Variants in MYO15B observed in about 807,000 individuals in gnomAD.
MYO15B encodes the protein myosin XVB, also known as myosin XVB pseudogene.
In MYO15B, 207 loss-of-function variants were observed where a neutral mutation model predicts 119.3. The ratio of observed to expected loss-of-function variants is 1.73; its 90% CI spans 1.55 to 1.95. The LOEUF (loss-of-function observed/expected upper bound fraction) is 1.95. Among genes scored for constraint, MYO15B ranks in the 30% most tolerant of loss-of-function variants. The pLI is 0.00. For missense variants in MYO15B, 2,264 were observed against 1,203.1 expected (o/e 1.88, Z -13.04); for synonymous variants, 966 against 498.9 (o/e 1.94, Z -12.48).
intron 51 of MYO15B, 31 bp from the exon 52 acceptor site, chr17:75,621,470 C>A (rs1294578936): frequency 2.9e-6 from 2 of 700,650 alleles, no homozygotes; most frequent in Non-Finnish European, 5.2e-6. Context: ...CACGGCCCCC[C>A]AGACCCATGG....
intron 49 of MYO15B, 103 bp from the exon 50 acceptor site, chr17:75,620,928 T>TCTTG: frequency 1.4e-6 from 1 of 702,366 alleles, no homozygotes; most frequent in Non-Finnish European, 2.6e-6. Context: ...TGGCTTCTGG[T>TCTTG]CTTGCTCCTT....
In MYO15B at chr17:75,595,603, C is replaced by T. The variant is rs188926027; in HGVS notation, c.3297+631C>T. ...TTAACGGAGATAGTCCATGAGAGAG[C>T]TGTGTGCTCCAGGGCAGCCGTTCTG... On this transcript the variant is annotated intron_variant, in intron 12 of 63. Transcript: ENST00000645453. Among the ~76,000 whole-genome samples the T allele has an allele frequency of 2.9e-4, 44 of 152,358 alleles. No individual in the cohort carries two copies. The East Asian group carries it at 8.1e-3, about 28-fold the overall frequency.
At chr17:75,602,292 A>G in intron 15 of MYO15B, 1 of 668,186 alleles carries the variant, frequency 1.5e-6, no homozygotes, top group Non-Finnish European at 2.7e-6. Context: ...TTAAAGCCCC[A>G]GTGGGGAGAG....
At chr17:75,623,652 G>A in intron 53 of MYO15B, 129 bp from the exon 54 acceptor site, 1 of 638,538 alleles carries the variant, frequency 1.6e-6, no homozygotes, top group Non-Finnish European at 2.8e-6. Context: ...CCAGTGCAGT[G>A]ATGTCTTAAG....
At chr17:75,617,293 C>A in exon 41 of MYO15B, 1 of 645,634 alleles carries the variant, frequency 1.5e-6, no homozygotes, top group Non-Finnish European at 2.8e-6. Context: ...ACCCTTTCAG[C>A]AGAGCGTCGT....
At chr17:75,603,373 C>G in intron 19 of MYO15B, 61 bp downstream of exon 19, 1 of 690,254 alleles carries the variant, frequency 1.4e-6, no homozygotes, top group Middle Eastern at 2.6e-4. Context: ...ACTGGCAGCC[C>G]CGGGGGTCCT....
intron 11 of MYO15B, 36 bp from the exon 12 acceptor site, chr17:75,594,804 G>C (rs1019325600): frequency 2.8e-6 from 2 of 702,750 alleles, no homozygotes; most frequent in Non-Finnish European, 5.2e-6. Flanking sequence ...CCCGAGGCAC[G>C]GCTCTATGTG....
intron 43 of MYO15B, among the ~76,000 whole-genome samples, chr17:75,618,395 C>G (rs893807119): frequency 3.3e-5 from 5 of 152,188 alleles, no homozygotes; most frequent in African/African-American, 1.2e-4. Flanking sequence ...TGGCTCATGC[C>G]TGTAATCCCA....
chr17:75,615,961 T>C (rs549719183), intron 36 of MYO15B, 77 bp downstream of exon 36: 86 of 600,294 alleles, frequency 1.4e-4, no homozygotes, highest in Non-Finnish European at 2.2e-4. Context: ...GCAGGGTGAG[T>C]AGGCAGACAC....
chr17:75,590,447 C>T, intron 1 of MYO15B, 179 bp from the exon 2 acceptor site: 1 of 396,696 alleles, frequency 2.5e-6, no homozygotes, highest in South Asian at 1.4e-4. Flanking sequence ...AAGCTTCCTT[C>T]TGGGTCAGAG....
At position 75,594,590 on chromosome 17, in the gene MYO15B, T is replaced by C. The variant is rs1274902576; in HGVS notation, c.3105+2T>C. 2 of 670,140 alleles carry C rather than the reference T, an allele frequency of 3.0e-6. No individual in the cohort carries two copies. Among genetic ancestry groups the C allele is most frequent in the South Asian group, 3.2e-5 (2 of 62,814 alleles). 41.5% of individuals were successfully genotyped at this position (670,140 alleles called of 1,614,324 possible). On this transcript the variant is annotated splice_donor_variant, in intron 10 of 63. Transcript: ENST00000645453. LOFTEE classifies it high-confidence loss of function. The stretch of plus-strand genomic sequence containing the variant: ...GGGGCTGTCACCAGGAGGGTCACGG[T>C]GAGCCCGAGGGTCCTGGGGAGAGGG...
chr17:75,589,001 C>G lies in MYO15B; in HGVS notation c.944C>G (p.Ala315Gly), dbSNP rs2056235229. 2.5e-6 allele frequency: 1 copy of G among 397,802 alleles called. No homozygotes were observed. Among genetic ancestry groups the G allele is most frequent in the Non-Finnish European group, 4.4e-6 (1 of 225,574 alleles). The allele number at this position is 397,802 out of a possible 1,614,324, so 24.6% of individuals were successfully genotyped here. The change falls in exon 1 of 64, where the codon GCA (alanine) becomes GGA (glycine). Residue 315 changes from alanine (A) to glycine (G), a missense_variant. Physicochemically the swap from Ala to Gly is moderately conservative, Grantham distance 60. Transcript: ENST00000645453. The surrounding 1 kb of genome is among the most constrained non-coding windows in gnomAD (Gnocchi z 4.2). ...GCGGTGGGGCAGGTGCCAGCGGCGG[C>G]AGGCGAGGGCGAAGCGGGAGCCGCA...
At chr17:75,588,388 G>A in exon 1 of MYO15B, 1 of 398,654 alleles carries the variant, frequency 2.5e-6, no homozygotes, top group Non-Finnish European at 4.4e-6. Context: ...GGGGCGCCTG[G>A]AGGAGGGAAG....
At chr17:75,588,467 GGCGGGGCCGCCGGAC>G (rs2056201625) in exon 1 of MYO15B, 1 of 398,438 alleles carries the variant, frequency 2.5e-6, no homozygotes, top group Non-Finnish European at 4.4e-6. Flanking sequence ...CCCTCGGCTC[GGCGGGGCCGCCGGAC>G]GCCCAGGAGC....
Position 75,591,032 on chromosome 17 carries a change from C to A in MYO15B, c.2360+16C>A, listed in dbSNP as rs2056407522. ...GCACCACTCCGTATGTGACTCTGCC[C>A]CACTGACCCTCTGCTCACCTCCCAG... is the stretch of plus-strand genomic sequence containing the variant. On this transcript the variant is annotated intron_variant, in intron 3 of 63. Coordinates refer to ENST00000645453, the Ensembl canonical transcript of MYO15B. 3.1e-6 allele frequency: 2 copies of A among 647,700 alleles called. No homozygotes were observed. Among genetic ancestry groups the A allele is most frequent in the Non-Finnish European group, 5.6e-6 (2 of 355,840 alleles). The allele number at this position is 647,700 out of a possible 1,614,324, so 40.1% of individuals were successfully genotyped here. A position where few individuals can be genotyped will look rare whatever the true frequency, so the allele number is the denominator to read the frequency against.
chr17:75,599,765 G>C (rs1331842164), intron 14 of MYO15B, among the ~76,000 whole-genome samples: 1 of 151,156 alleles, frequency 6.6e-6, no homozygotes, highest in Non-Finnish European at 1.5e-5. Context: ...CGTGGTGGCG[G>C]GTGCCTGTAG....
At position 75,608,590 on chromosome 17, in the gene MYO15B, G is replaced by A. The variant is rs112053423; in HGVS notation, c.4293-1576G>A. On this transcript the variant is annotated intron_variant, in intron 21 of 63. Transcript: ENST00000645453. ...TGGGAGGCGGAGATTCAAGTGAGCC[G>A]AGATCGCGCCATTGCACTCCAGCAG... 3.5e-3 allele frequency among the ~76,000 whole-genome samples: 527 copies of A among 151,954 alleles called. 6 individuals are homozygous for A. Among genetic ancestry groups the A allele is most frequent in the African/African-American group, 0.012 (493 of 41,484 alleles).
chr17:75,600,611 G>GTCTTTTTTTTT (rs1568140991), intron 14 of MYO15B: 17 of 135,804 alleles, frequency 1.3e-4, no homozygotes, highest in East Asian at 2.2e-4. Flanking sequence ...TTGAGACGGA[G>GTCTTTTTTTTT]TTTGGTTCTT....
rs969961866 is a variant in MYO15B, at chr17:75,602,957, G to A, written c.3845+12G>A. On this transcript the variant is annotated intron_variant, in intron 17 of 63. Coordinates refer to ENST00000645453, the Ensembl canonical transcript of MYO15B. ...GCCCGGCTGGGCAGGTAAGAACAGC[G>A]CCCGCCACACCAGACCCCAGGGAGT... 80 of 693,522 alleles carry A rather than the reference G, an allele frequency of 1.2e-4. No individual in the cohort carries two copies. In the African/African-American group the frequency reaches 1.3e-3, roughly 11 times the overall value. The allele number at this position is 693,522 out of a possible 1,614,324, so 43.0% of individuals were successfully genotyped here.
Sources: gnomAD v4.1 joint callset for allele counts (sites outside exome capture counted in the v4.1 genomes callset) on GRCh38, gnomAD v4.1.1 for gene constraint, Gnocchi (gnomAD v3.1) non-coding constraint, MANE v1.5 for transcripts, NCBI Gene and HGNC (gene_info 2026-07-23, HGNC 2026-07-21) for gene names.